NXN: variants seen among roughly 807,000 people sequenced by gnomAD.
NXN encodes the protein nucleoredoxin 1.
In NXN, 16 loss-of-function variants were observed where a neutral mutation model predicts 48.6. The ratio of observed to expected loss-of-function variants is 0.33; its 90% CI spans 0.22 to 0.50. The LOEUF (loss-of-function observed/expected upper bound fraction) is 0.50, where lower values mean the gene tolerates loss of function less well. NXN is among the 20% of genes least tolerant of loss of function. The pLI, the probability that NXN is intolerant of heterozygous loss-of-function variation, is 0.98. For synonymous variants in NXN, 281 were observed against 269.6 expected (o/e 1.04, Z -0.41); for missense variants, 492 against 605.5 (o/e 0.81, Z 1.97).
chr17:943,729 A>G (rs1307654702), intron 1 of NXN, among the ~76,000 whole-genome samples: 2 of 151,640 alleles, frequency 1.3e-5, no homozygotes, highest in Admixed American at 1.3e-4. Context: ...GGGGGCTGAG[A>G]CAGGAGAACT....
At chr17:863,458 C>T (rs142934125) in intron 1 of NXN, among the ~76,000 whole-genome samples, 70 of 152,182 alleles carry the variant, frequency 4.6e-4, no homozygotes, top group Middle Eastern at 3.4e-3. Flanking sequence ...TGAGCCACCA[C>T]GCTCAGCCGT....
Position 917,878 on chromosome 17 carries a change from C to T in NXN, c.360+61441G>A, listed in dbSNP as rs897433245. On this transcript the variant is annotated intron_variant, in intron 1 of 7. Coordinates refer to ENST00000336868, the MANE Select transcript of NXN (RefSeq NM_022463.5). The surrounding 1 kb of genome is among the most constrained non-coding windows in gnomAD (Gnocchi z 4.5). ...CGTTCCAAACAAAGGGGACTGCGTA[C>T]TGGTGAAGAAGAATGTGGTCTGTAT... 1.3e-5 allele frequency among the ~76,000 whole-genome samples: 2 copies of T among 152,174 alleles called. No homozygotes were observed. Among genetic ancestry groups the T allele is most frequent in the African/African-American group, 4.8e-5 (2 of 41,438 alleles).
intron 1 of NXN, among the ~76,000 whole-genome samples, chr17:975,175 T>G (rs912591424): frequency 6.6e-6 from 1 of 152,180 alleles, no homozygotes; most frequent in Admixed American, 6.5e-5. Flanking sequence ...GCCCAAGTCC[T>G]AGAAACACAG....
chr17:883,866 G>A (rs1459138033), intron 1 of NXN, among the ~76,000 whole-genome samples: 1 of 152,212 alleles, frequency 6.6e-6, no homozygotes, highest in Admixed American at 6.5e-5. Flanking sequence ...CTGAGGTCAG[G>A]AGTTTAAGGC....
rs116979662 is a variant in NXN, at chr17:948,601, G to A, written c.360+30718C>T. On this transcript the variant is annotated intron_variant, in intron 1 of 7. Coordinates refer to ENST00000336868, the MANE Select transcript of NXN (RefSeq NM_022463.5). ...GGGAAAGGAATGTTTAAAAGCTCCC[G>A]GGCGACTGAAGATCAGCCAGGGGTG... Among the ~76,000 whole-genome samples the A allele has an allele frequency of 7.0e-3, 1,065 of 152,052 alleles. 6 individuals are homozygous for A. The highest frequency in any genetic ancestry group is 0.034 in the South Asian group (164 of 4,828).
chr17:928,545 G>C (rs1417926849), intron 1 of NXN, among the ~76,000 whole-genome samples: 6 of 152,274 alleles, frequency 3.9e-5, no homozygotes, highest in Admixed American at 3.9e-4. Context: ...CCTTGAAAAA[G>C]TACTGGAAGG....
At chr17:951,731 G>A (rs949635348) in intron 1 of NXN, among the ~76,000 whole-genome samples, 4 of 152,078 alleles carry the variant, frequency 2.6e-5, no homozygotes, top group African/African-American at 9.7e-5. Flanking sequence ...GTGGGGGCCG[G>A]CATTCCTCCC....
At chr17:941,044 T>A (rs1260987498) in intron 1 of NXN, among the ~76,000 whole-genome samples, 2 of 142,728 alleles carry the variant, frequency 1.4e-5, no homozygotes, top group African/African-American at 5.6e-5. Flanking sequence ...GGTGCAGCCA[T>A]GAATTCACCA....
rs2068735362 is a variant in NXN at position 920,408 on chromosome 17, C to T, written c.360+58911G>A. 6.6e-6 allele frequency among the ~76,000 whole-genome samples: 1 copy of T among 152,002 alleles called. No individual in the cohort carries two copies. Among genetic ancestry groups the T allele is most frequent in the African/African-American group, 2.4e-5 (1 of 41,374 alleles). ...ATACCTAGGCCCTCCTGTCATGCCC[C>T]AAGGCCAATGTAGCCTTGGGGATGC... On this transcript the variant is annotated intron_variant, in intron 1 of 7. Coordinates refer to ENST00000336868, the MANE Select transcript of NXN (RefSeq NM_022463.5). This position sits in a 1 kb window ranked among gnomAD's most constrained non-coding sequence, Gnocchi z 4.6.
At chr17:853,320 C>T (rs1481975652) in intron 1 of NXN, among the ~76,000 whole-genome samples, 7 of 152,014 alleles carry the variant, frequency 4.6e-5, no homozygotes, top group South Asian at 2.1e-4. Context: ...GGTGCACGCA[C>T]GCCTGTAGTC....
intron 1 of NXN, chr17:897,028 T>A (rs946617267): frequency 2.7e-6 from 3 of 1,095,052 alleles, no homozygotes; most frequent in Admixed American, 5.4e-5. Context: ...AACTCCGGCG[T>A]GCCTAACAAC....
chr17:840,084 G>A (rs1245691591), intron 1 of NXN, among the ~76,000 whole-genome samples: 4 of 139,392 alleles, frequency 2.9e-5, no homozygotes, highest in Non-Finnish European at 6.3e-5. Context: ...GCGACAGAGC[G>A]AGACTGTCTC....
rs12325687 is a variant in NXN at position 917,085 on chromosome 17, A to G, written c.360+62234T>C. Among the ~76,000 whole-genome samples, 146,798 of 152,248 alleles carry G rather than the reference A, an allele frequency of 0.96. 71,014 individuals carry two copies. The highest frequency in any genetic ancestry group is 1 in the East Asian group (5,178 of 5,178). ...TACATGCTGAAGCTACAAATCAAAC[A>G]TCCGCTTTGCCTCCAACAAGATTCC... On this transcript the variant is annotated intron_variant, in intron 1 of 7. Coordinates refer to ENST00000336868, the MANE Select transcript of NXN (RefSeq NM_022463.5). The surrounding 1 kb of genome is among the most constrained non-coding windows in gnomAD (Gnocchi z 4.5).
intron 1 of NXN, among the ~76,000 whole-genome samples, chr17:900,719 C>T (rs143819630): frequency 4.1e-4 from 62 of 152,162 alleles, no homozygotes; most frequent in Non-Finnish European, 7.2e-4. Context: ...CAAAAGCTAA[C>T]GTCTACAGAG....
chr17:869,658 A>G (rs1307342800), intron 1 of NXN, among the ~76,000 whole-genome samples: 1 of 152,256 alleles, frequency 6.6e-6, no homozygotes, highest in Admixed American at 6.5e-5. Context: ...CACTCGGGAA[A>G]GACTCCTTAT....
Position 823,775 on chromosome 17 carries a change from A to G in NXN, c.479-10T>C. ...CAGGGGAACTCCAGACCTGAAACAG[A>G]AAACAGATGGTAAAAGAGGGCTTAG... On this transcript the variant is annotated splice_polypyrimidine_tract_variant and intron_variant, in intron 2 of 7. Coordinates refer to ENST00000336868, the MANE Select transcript of NXN (RefSeq NM_022463.5). 6.2e-7 allele frequency: 1 copy of G among 1,614,130 alleles called. No homozygotes were observed. The highest frequency in any genetic ancestry group is 1.7e-4 in the Middle Eastern group (1 of 6,060).
intron 1 of NXN, among the ~76,000 whole-genome samples, chr17:923,790 A>G (rs1290331947): frequency 6.6e-6 from 1 of 152,240 alleles, no homozygotes; most frequent in Non-Finnish European, 1.5e-5. Context: ...GTTTGATACC[A>G]GAAGGACAAC....
chr17:872,865 C>T (rs1461263270), intron 1 of NXN, among the ~76,000 whole-genome samples: 2 of 152,134 alleles, frequency 1.3e-5, no homozygotes, highest in African/African-American at 4.8e-5. Context: ...AGGTGATCCA[C>T]CCGCCTTGGC....
At chr17:853,702 C>CATATATATATATATATATATATATAT (rs571601948) in intron 1 of NXN, among the ~76,000 whole-genome samples, 2 of 119,302 alleles carry the variant, frequency 1.7e-5, no homozygotes, top group African/African-American at 7.3e-5. Flanking sequence ...CTGTTATACA[C>CATATATATATATATATATATATATAT]ATATATATAT....
Sources: allele counts gnomAD v4.1 joint callset (sites outside exome capture counted in the v4.1 genomes callset), GRCh38; gene constraint gnomAD v4.1.1; non-coding constraint Gnocchi (gnomAD v3.1); transcripts MANE v1.5; gene names NCBI Gene and HGNC (gene_info 2026-07-23, HGNC 2026-07-21).